C4orf51: variants seen among roughly 807,000 people sequenced by gnomAD.
C4orf51 encodes uncharacterized protein C4orf51.
Under a neutral mutation model 25.2 loss-of-function variants are expected in C4orf51, and 25 were observed. That is an observed-to-expected ratio of 0.99 (90% CI 0.72 to 1.39). The LOEUF is 1.39. C4orf51 is among the 40% of genes most tolerant of loss of function. The probability of loss-of-function intolerance (pLI) is 0.00; values close to 1 mark genes in which losing one functional copy is unlikely to be tolerated. For missense variants in C4orf51, 252 were observed against 239.6 expected (o/e 1.05, Z -0.34); for synonymous variants, 100 against 84.5 (o/e 1.18, Z -1.01).
intron 2 of C4orf51, among the ~76,000 whole-genome samples, chr4:145,720,588 C>T (rs1731682323): frequency 6.6e-6 from 1 of 152,210 alleles, no homozygotes; most frequent in African/African-American, 2.4e-5. Flanking sequence ...TGCTCTTCCT[C>T]CACTCATCTC....
chr4:145,715,557 A>G (rs962426095), intron 2 of C4orf51, among the ~76,000 whole-genome samples: 7 of 152,054 alleles, frequency 4.6e-5, no homozygotes, highest in African/African-American at 1.7e-4. Context: ...CAATGCATCT[A>G]TTCTTGGAGT....
At chr4:145,738,036 A>G (rs1347486127) in intron 1 of C4orf51, among the ~76,000 whole-genome samples, 3 of 151,998 alleles carry the variant, frequency 2.0e-5, no homozygotes, top group Non-Finnish European at 2.9e-5. Flanking sequence ...AAGGGGTTAT[A>G]GAGAGAGCAA....
the C4orf51 span, among the ~76,000 whole-genome samples, chr4:145,785,464 C>T: frequency 3.3e-5 from 5 of 152,150 alleles, no homozygotes; most frequent in African/African-American, 1.2e-4. Flanking sequence ...CAGTTATCTT[C>T]AGATCCAATT....
intron 2 of C4orf51, among the ~76,000 whole-genome samples, chr4:145,719,588 CAA>C (rs57272346): frequency 3.3e-5 from 3 of 90,154 alleles, no homozygotes; most frequent in Non-Finnish European, 6.8e-5. Flanking sequence ...GACTCTGTCT[CAA>C]AAAAAAAAAA....
intron 1 of C4orf51, among the ~76,000 whole-genome samples, chr4:145,770,299 A>AAAATAAATAAATAAAT (rs150231954): frequency 1.1e-5 from 1 of 87,210 alleles, no homozygotes; most frequent in African/African-American, 3.1e-5. Context: ...ACCCTGTCTT[A>AAAATAAATAAATAAAT]AAATAAATAA....
Position 145,761,163 on chromosome 4 carries a change from G to A in C4orf51, n.167-9825G>A, listed in dbSNP as rs1352883957. ...CCGGTTCCTTGGGGGCTGGACACAG[G>A]CCCTTCTTGTCCTCCTCGGGGCAGT... On this transcript the variant is annotated intron_variant and non_coding_transcript_variant, in intron 1 of 1. Coordinates refer to the C4orf51 transcript ENST00000510096. The surrounding 1 kb of genome is among the most constrained non-coding windows in gnomAD (Gnocchi z 6.8). 7.8e-7 allele frequency: 1 copy of A among 1,289,854 alleles called. No individual in the cohort carries two copies. The highest frequency in any genetic ancestry group is 1.0e-6 in the Non-Finnish European group (1 of 988,870). 79.9% of individuals were successfully genotyped at this position (1,289,854 alleles called of 1,614,324 possible). A position where few individuals can be genotyped will look rare whatever the true frequency, so the allele number is the denominator to read the frequency against.
rs981212998 is a variant in C4orf51, at chr4:145,761,105, T to C, written n.167-9883T>C. ...AGGGGAGACAGGAGATTCCGGGAGC[T>C]CCCGACCACCAGGAGCGGGGCCCCC... On this transcript the variant is annotated intron_variant and non_coding_transcript_variant, in intron 1 of 1. Coordinates refer to the C4orf51 transcript ENST00000510096. This position sits in a 1 kb window ranked among gnomAD's most constrained non-coding sequence, Gnocchi z 6.8. 4 of 1,289,292 alleles carry C rather than the reference T, an allele frequency of 3.1e-6. No individual in the cohort carries two copies. The highest frequency in any genetic ancestry group is 3.0e-6 in the Non-Finnish European group (3 of 988,692). 79.9% of individuals were successfully genotyped at this position (1,289,292 alleles called of 1,614,324 possible). A position where few individuals can be genotyped will look rare whatever the true frequency, so the allele number is the denominator to read the frequency against.
chr4:145,759,425 TATAAAGTTAGCCTCCTAGC>T (rs1320332097), intron 1 of C4orf51: 4 of 152,196 alleles, frequency 2.6e-5, no homozygotes, highest in African/African-American at 4.8e-5. Context: ...TTTAAATAAG[TATAAAGTTAGCCTCCTAGC>T]AGGTTACATC....
chr4:145,781,227 A>AAAAAAAAAAAAAAAAAAAAAAC, the C4orf51 span, among the ~76,000 whole-genome samples: 1 of 134,498 alleles, frequency 7.4e-6, no homozygotes, highest in Non-Finnish European at 1.6e-5. Context: ...AGAAAAAAAA[A>AAAAAAAAAAAAAAAAAAAAAAC]GAAAAAAAAA....
At chr4:145,744,726 G>A (rs1263963627) in intron 1 of C4orf51, among the ~76,000 whole-genome samples, 3 of 152,050 alleles carry the variant, frequency 2.0e-5, no homozygotes, top group South Asian at 2.1e-4. Context: ...AGTGGCAGGC[G>A]CCTGTATTCC....
intron 1 of C4orf51, among the ~76,000 whole-genome samples, chr4:145,692,547 A>G (rs1441152451): frequency 6.6e-6 from 1 of 152,214 alleles, no homozygotes; most frequent in African/African-American, 2.4e-5. Context: ...AGGTGATTCA[A>G]CTGCTGCTGT....
intron 2 of C4orf51, among the ~76,000 whole-genome samples, chr4:145,722,553 G>C (rs1731796755): frequency 6.6e-6 from 1 of 152,128 alleles, no homozygotes; most frequent in Non-Finnish European, 1.5e-5. Flanking sequence ...AAAGAGATTT[G>C]CTCTCTAATC....
chr4:145,735,963 C>G (rs80016998), downstream of C4orf51, among the ~76,000 whole-genome samples: 149 of 152,168 alleles, frequency 9.8e-4, 3 homozygotes, highest in East Asian at 0.028. Flanking sequence ...TCTGGGTCAG[C>G]CCTACACTCT....
chr4:145,740,240 C>CA lies in C4orf51; in HGVS notation n.167+7652dup, dbSNP rs60310006. Among the ~76,000 whole-genome samples the CA allele has an allele frequency of 1.6e-3, 167 of 104,770 alleles. 13 individuals carry two copies. Among genetic ancestry groups the CA allele is most frequent in the African/African-American group, 5.2e-3 (128 of 24,410 alleles). 68.7% of individuals were successfully genotyped at this position (104,770 alleles called of 152,430 possible). On this transcript the variant is annotated intron_variant and non_coding_transcript_variant, in intron 1 of 1. Coordinates refer to the C4orf51 transcript ENST00000508981. ...AATTATAGCTATCTCTCCCTTTCTG[C>CA]AAAAAAAAAAAAAAAAAAAAAAAAA...
chr4:145,682,951 G>T (rs1728923012), intron 1 of C4orf51, among the ~76,000 whole-genome samples: 1 of 151,882 alleles, frequency 6.6e-6, no homozygotes, highest in African/African-American at 2.4e-5. Context: ...AACTGTCTTT[G>T]TTTGCAGATG....
At chr4:145,716,781 C>A (rs992920091) in intron 2 of C4orf51, among the ~76,000 whole-genome samples, 1 of 152,288 alleles carries the variant, frequency 6.6e-6, no homozygotes, top group African/African-American at 2.4e-5. Context: ...GATCACTATT[C>A]TGTTAGCTTT....
chr4:145,790,841 A>T, the C4orf51 span, among the ~76,000 whole-genome samples: 1 of 152,202 alleles, frequency 6.6e-6, no homozygotes, highest in Non-Finnish European at 1.5e-5. Flanking sequence ...AAATATAACT[A>T]TTCTACTTTG....
At chr4:145,750,011 A>C (rs935374109) in intron 1 of C4orf51, among the ~76,000 whole-genome samples, 1 of 152,134 alleles carries the variant, frequency 6.6e-6, no homozygotes, top group Non-Finnish European at 1.5e-5. Flanking sequence ...AAAACTAATA[A>C]AGACTCTACA....
chr4:145,779,335 G>C, the C4orf51 span: 1 of 1,598,666 alleles, frequency 6.3e-7, no homozygotes, highest in Non-Finnish European at 8.5e-7. Flanking sequence ...GTTGGTGATG[G>C]AGCATAGAGG....
Sources: allele counts gnomAD v4.1 joint callset (sites outside exome capture counted in the v4.1 genomes callset), GRCh38; gene constraint gnomAD v4.1.1; non-coding constraint Gnocchi (gnomAD v3.1); transcripts MANE v1.5; gene names NCBI Gene and HGNC (gene_info 2026-07-23, HGNC 2026-07-21).